The following HSPA4 variants were observed in gnomAD, a reference collection of about 807,000 sequenced individuals.
The protein encoded by HSPA4 is heat shock protein family A (Hsp70) member 4.
HSPA4 carries 25 observed loss-of-function variants against 106.2 expected under a neutral mutation model. That is an observed-to-expected ratio of 0.24 (90% CI 0.17 to 0.33). The LOEUF (loss-of-function observed/expected upper bound fraction) is 0.33, where lower values mean the gene tolerates loss of function less well. Among genes scored for constraint, HSPA4 ranks in the 10% least tolerant of loss-of-function variants. The pLI is 1.00. For synonymous variants in HSPA4, 332 were observed against 333.6 expected, an observed-to-expected ratio of 1.00 and a Z score of 0.05; for missense variants, 841 against 996.0, an observed-to-expected ratio of 0.84 and a Z score of 2.10.
At chr5:133,057,358 AC>A (rs1765178889) in intron 1 of HSPA4, among the ~76,000 whole-genome samples, 1 of 144,268 alleles carries the variant, frequency 6.9e-6, no homozygotes, top group Non-Finnish European at 1.5e-5. Context: ...AGTTCTGCGT[AC>A]CTTTTTTTTT....
intron 1 of HSPA4, among the ~76,000 whole-genome samples, chr5:133,059,719 G>C (rs1169879743): frequency 6.6e-6 from 1 of 152,174 alleles, no homozygotes; most frequent in Non-Finnish European, 1.5e-5. Flanking sequence ...ACACTGACTT[G>C]ACTTGAATCA....
intron 14 of HSPA4, among the ~76,000 whole-genome samples, chr5:133,096,672 T>G: frequency 6.6e-6 from 1 of 152,340 alleles, no homozygotes; most frequent in East Asian, 1.9e-4. Context: ...TATGTAAATA[T>G]AGTAACTCTT....
intron 15 of HSPA4, among the ~76,000 whole-genome samples, chr5:133,098,921 A>C (rs1212968562): frequency 6.7e-6 from 1 of 150,288 alleles, no homozygotes; most frequent in Non-Finnish European, 1.5e-5. Flanking sequence ...CACCCGCCTC[A>C]GCCTCCCAAA....
intron 12 of HSPA4, 77 bp from the exon 13 acceptor site, chr5:133,092,623 C>T: frequency 1.1e-6 from 1 of 950,558 alleles, no homozygotes; most frequent in Non-Finnish European, 1.7e-6. Flanking sequence ...AATTACATAA[C>T]TATGTGACTT....
chr5:133,076,367 T>A (rs553809287), intron 6 of HSPA4, among the ~76,000 whole-genome samples: 2 of 152,302 alleles, frequency 1.3e-5, no homozygotes, highest in East Asian at 3.9e-4. Context: ...GACTTTGGAA[T>A]TAAGGAGATT....
intron 11 of HSPA4, among the ~76,000 whole-genome samples, chr5:133,089,907 C>A (rs559544684): frequency 6.6e-6 from 1 of 151,926 alleles, no homozygotes; most frequent in Non-Finnish European, 1.5e-5. Flanking sequence ...GTAGAAAGAA[C>A]AAGTATGGTA....
Position 133,068,430 on chromosome 5 carries a change from GA to G in HSPA4, c.306+874del, listed in dbSNP as rs543366753. On this transcript the variant is annotated intron_variant, in intron 3 of 18. Transcript: ENST00000304858. ...CTCAGAGGTAGTAAGAGGAATCCAT[GA>G]GGGGGGGTGGGGGCGTGATTGGCTT... Among the ~76,000 whole-genome samples the G allele has an allele frequency of 1.5e-4, 23 of 151,388 alleles. No homozygotes were observed. The South Asian group carries it at 3.1e-3, about 21-fold the overall frequency.
rs565035844 is a variant in HSPA4 at position 133,101,801 on chromosome 5, G to C, written c.2080G>C (p.Glu694Gln). The change falls in exon 17 of 19, where the codon GAA becomes CAA. Residue 694 changes from glutamate to glutamine, a missense_variant. By Grantham distance (29) the Glu-to-Gln change is conservative. Transcript: ENST00000304858. ...TAAGATACGTTTCCAGGAATCTGAA[G>C]AACGACCAAAATTATTTGAAGAACT... is the stretch of plus-strand genomic sequence containing the variant. ...PIKIRFQESE[E>Q]RPKLFEELGK... is the part of the protein sequence containing the mutation. 7 of 1,608,428 alleles carry C rather than the reference G, an allele frequency of 4.4e-6. No individual in the cohort carries two copies. In the South Asian group the frequency reaches 4.4e-5, roughly 10 times the overall value.
chr5:133,061,549 A>G (rs28667856), intron 1 of HSPA4, among the ~76,000 whole-genome samples: 6,716 of 152,240 alleles, frequency 0.044, 479 homozygotes, highest in African/African-American at 0.15. Flanking sequence ...AGTATTGATA[A>G]TGTAATTCGG....
At chr5:133,090,046 G>A (rs557656927) in intron 11 of HSPA4, among the ~76,000 whole-genome samples, 2 of 152,080 alleles carry the variant, frequency 1.3e-5, no homozygotes, top group Non-Finnish European at 2.9e-5. Context: ...CTTGGTTAGC[G>A]CACATTGTAA....
At chr5:133,092,822 T>G (rs779589605) in intron 13 of HSPA4, 33 bp downstream of exon 13, 7 of 1,209,186 alleles carry the variant, frequency 5.8e-6, no homozygotes, top group East Asian at 2.8e-5. Context: ...TTTTTTTTTT[T>G]TTTTTTTTTT....
At chr5:133,064,237 G>C (rs1765280437) in intron 1 of HSPA4, among the ~76,000 whole-genome samples, 1 of 152,186 alleles carries the variant, frequency 6.6e-6, no homozygotes, top group Admixed American at 6.5e-5. Flanking sequence ...CAGGTGCGGT[G>C]GCTCACGCCT....
At chr5:133,096,838 C>T (rs7711865) in intron 14 of HSPA4, among the ~76,000 whole-genome samples, 33,807 of 152,044 alleles carry the variant, frequency 0.22, 3,892 homozygotes, top group South Asian at 0.26. Flanking sequence ...TTTTTCTTAT[C>T]TCATATTAAT....
chr5:133,104,154 AG>A lies in HSPA4; in HGVS notation c.2320-76del, dbSNP rs1169927577. On this transcript the variant is annotated intron_variant, in intron 18 of 18. Coordinates refer to ENST00000304858, the MANE Select transcript of HSPA4 (RefSeq NM_002154.4). ...TAGGTTGAGGATTGGGTGGTGGGAG[AG>A]GGCGGATTTGGGTTTAGCATGGCTT... The A allele has an allele frequency of 1.4e-5, 20 of 1,468,832 alleles. No homozygotes were observed. The East Asian group carries it at 4.6e-4, about 34-fold the overall frequency. 91.0% of individuals were successfully genotyped at this position (1,468,832 alleles called of 1,614,324 possible).
At chr5:133,094,842 A>G (rs916696617) in intron 13 of HSPA4, among the ~76,000 whole-genome samples, 1 of 152,230 alleles carries the variant, frequency 6.6e-6, no homozygotes, top group African/African-American at 2.4e-5. Context: ...TTATCATAGA[A>G]CAAATTGAAT....
At chr5:133,055,307 A>ATTTTTTTT (rs397999293) in intron 1 of HSPA4, among the ~76,000 whole-genome samples, 3 of 60,104 alleles carry the variant, frequency 5.0e-5, no homozygotes, top group Non-Finnish European at 6.2e-5. Context: ...AGGAAGGTTG[A>ATTTTTTTT]TTTTTTTTTT....
At chr5:133,096,020 A>G in intron 13 of HSPA4, 78 bp from the exon 14 acceptor site, 1 of 1,295,638 alleles carries the variant, frequency 7.7e-7, no homozygotes, top group Non-Finnish European at 1.1e-6. Flanking sequence ...AAGCAAAAAC[A>G]GTTTTCCAAC....
intron 1 of HSPA4, among the ~76,000 whole-genome samples, chr5:133,056,137 A>T (rs1295960187): frequency 6.6e-6 from 1 of 152,134 alleles, no homozygotes; most frequent in African/African-American, 2.4e-5. Context: ...GAGGATGAGT[A>T]GGATTTTACC....
chr5:133,096,037 C>A, intron 13 of HSPA4, 61 bp from the exon 14 acceptor site: 1 of 1,426,982 alleles, frequency 7.0e-7, no homozygotes, highest in South Asian at 1.4e-5. Flanking sequence ...CAACATGACT[C>A]ATTTTGAAGT....
Sources: allele counts gnomAD v4.1 joint callset (sites outside exome capture counted in the v4.1 genomes callset), GRCh38; gene constraint gnomAD v4.1.1; transcripts MANE v1.5; gene names NCBI Gene and HGNC (gene_info 2026-07-23, HGNC 2026-07-21).